CNTNAP2: variants seen among roughly 807,000 people sequenced by gnomAD.
The protein encoded by CNTNAP2 is contactin-associated protein-like 2.
In CNTNAP2, 98 loss-of-function variants were observed where a neutral mutation model predicts 155.2. The ratio of observed to expected loss-of-function variants is 0.63; its 90% confidence interval spans 0.54 to 0.75. The LOEUF (loss-of-function observed/expected upper bound fraction) is 0.75, where lower values mean the gene tolerates loss of function less well. Ranked by LOEUF, CNTNAP2 falls within the 30% of genes least tolerant of loss-of-function variation. The pLI, the probability that CNTNAP2 is intolerant of heterozygous loss-of-function variation, is 0.00. For missense variants in CNTNAP2, 1,727 were observed against 1,688.1 expected, an observed-to-expected ratio of 1.02 and a Z score of -0.40; for synonymous variants, 651 against 631.2, an observed-to-expected ratio of 1.03 and a Z score of -0.47.
At position 147,486,008 on chromosome 7, in the gene CNTNAP2, G is replaced by C; in HGVS notation, c.1744G>C (p.Glu582Gln). Reference protein sequence around the residue: ...TWDSFKCTCDETGYSGATCHN... With the variant: ...TWDSFKCTCDQTGYSGATCHN... Reference sequence around the variant, plus strand: ...GGACAGCTTCAAATGCACTTGTGATGAGACAGGATACAGTGGGGCCACCTG... The same window carrying C: ...GGACAGCTTCAAATGCACTTGTGATCAGACAGGATACAGTGGGGCCACCTG... Residue 582 changes from glutamate (E) to glutamine (Q), a missense_variant, in exon 11 of 24, where the codon GAG (glutamate) becomes CAG (glutamine). Physicochemically the swap from Glu to Gln is conservative, Grantham distance 29. Transcript: ENST00000361727. 1 of 1,614,126 alleles carries C rather than the reference G, an allele frequency of 6.2e-7. No individual in the cohort carries two copies. The highest frequency in any genetic ancestry group is 1.1e-5 in the South Asian group (1 of 91,086).
At chr7:148,203,092 T>C (rs562013166) in intron 18 of CNTNAP2, among the ~76,000 whole-genome samples, 1 of 152,340 alleles carries the variant, frequency 6.6e-6, no homozygotes, top group Non-Finnish European at 1.5e-5. Flanking sequence ...TTTTTAATTA[T>C]ATTTTATCTT....
At chr7:148,022,813 C>T (rs1285243652) in intron 15 of CNTNAP2, among the ~76,000 whole-genome samples, 2 of 152,080 alleles carry the variant, frequency 1.3e-5, no homozygotes, top group Admixed American at 1.3e-4. Context: ...ACACCGTCTG[C>T]CCGATCATCA....
intron 3 of CNTNAP2, among the ~76,000 whole-genome samples, chr7:146,902,698 C>A (rs1054867353): frequency 2.6e-5 from 4 of 152,180 alleles, no homozygotes; most frequent in African/African-American, 7.2e-5. Flanking sequence ...AACCTAGTCT[C>A]TTCTGGTTAA....
At chr7:147,024,045 T>C (rs1798859220) in intron 3 of CNTNAP2, among the ~76,000 whole-genome samples, 1 of 152,214 alleles carries the variant, frequency 6.6e-6, no homozygotes, top group Admixed American at 6.5e-5. Flanking sequence ...AGATATAGTC[T>C]TTTTTGTTTT....
rs527961760 is a variant in CNTNAP2, at chr7:147,276,709, T to C, written c.1349-23432T>C. On this transcript the variant is annotated intron_variant, in intron 8 of 23. Transcript: ENST00000361727. ...TGTTTGAGAGCTCATAAGGTCTTCT[T>C]GTATATTGGGAACAGATATGGCAAT... is the stretch of plus-strand genomic sequence containing the variant. 6.6e-5 allele frequency among the ~76,000 whole-genome samples: 10 copies of C among 152,166 alleles called. No homozygotes were observed. In the East Asian group the frequency reaches 1.5e-3, roughly 24 times the overall value.
intron 13 of CNTNAP2, among the ~76,000 whole-genome samples, chr7:147,735,714 G>A (rs1041868753): frequency 6.6e-6 from 1 of 152,058 alleles, no homozygotes; most frequent in African/African-American, 2.4e-5. Flanking sequence ...TCCTGTATTG[G>A]GTGCATATAT....
At chr7:147,214,739 C>T (rs908691010) in intron 8 of CNTNAP2, among the ~76,000 whole-genome samples, 2 of 152,064 alleles carry the variant, frequency 1.3e-5, no homozygotes, top group African/African-American at 2.4e-5. Flanking sequence ...TGTATATTTC[C>T]TGCCCCCACA....
intron 13 of CNTNAP2, among the ~76,000 whole-genome samples, chr7:147,741,867 A>G (rs1336036126): frequency 1.3e-5 from 2 of 152,184 alleles, no homozygotes; most frequent in Non-Finnish European, 2.9e-5. Context: ...TGATGGCTGT[A>G]TTAGTCCATT....
intron 1 of CNTNAP2, among the ~76,000 whole-genome samples, chr7:146,398,563 T>C (rs764253235): frequency 1.3e-5 from 2 of 152,170 alleles, no homozygotes; most frequent in African/African-American, 2.4e-5. Context: ...AACCGGAATC[T>C]TGTATTGCAA....
intron 12 of CNTNAP2, among the ~76,000 whole-genome samples, 199 bp downstream of exon 12, chr7:147,562,456 G>T (rs1287741509): frequency 6.6e-6 from 1 of 152,070 alleles, no homozygotes; most frequent in Non-Finnish European, 1.5e-5. Context: ...TTTTCAAAAA[G>T]TTCATGTTTG....
intron 2 of CNTNAP2, among the ~76,000 whole-genome samples, chr7:146,800,817 A>G (rs1802862588): frequency 6.6e-6 from 1 of 152,116 alleles, no homozygotes; most frequent in African/African-American, 2.4e-5. Context: ...ACTGAGGAAT[A>G]CAGAGAAGAG....
rs1454643721 is a variant in CNTNAP2, at chr7:148,179,576, G to A, written c.3010+7098G>A. Among the ~76,000 whole-genome samples, 6 of 148,100 alleles carry A rather than the reference G, an allele frequency of 4.1e-5. No homozygotes were observed. In the South Asian group the frequency reaches 6.5e-4, roughly 16 times the overall value. On this transcript the variant is annotated intron_variant, in intron 18 of 23. Coordinates refer to ENST00000361727, the MANE Select transcript of CNTNAP2 (RefSeq NM_014141.6). ...GAGAGGGAGAGAGAGGGAGAGAGGC[G>A]GGGTGCGGGGGAGAGAGAGGGAGGG...
At chr7:146,550,667 A>T (rs1047114658) in intron 1 of CNTNAP2, among the ~76,000 whole-genome samples, 1 of 151,922 alleles carries the variant, frequency 6.6e-6, no homozygotes, top group South Asian at 2.1e-4. Context: ...GTTGATTCTA[A>T]TTAAGTATTA....
chr7:148,217,619 T>C (rs973372258), intron 19 of CNTNAP2, 95 bp downstream of exon 19: 2 of 1,333,310 alleles, frequency 1.5e-6, no homozygotes, highest in South Asian at 2.4e-5. Context: ...TTGTTATTTA[T>C]TCCCCATAGG....
chr7:147,720,313 A>T (rs1796545483), intron 13 of CNTNAP2, among the ~76,000 whole-genome samples: 1 of 152,160 alleles, frequency 6.6e-6, no homozygotes, highest in African/African-American at 2.4e-5. Flanking sequence ...ATAATTCCTC[A>T]AAAGCAAATA....
intron 3 of CNTNAP2, among the ~76,000 whole-genome samples, chr7:147,006,437 T>C (rs1005523715): frequency 1.3e-5 from 2 of 152,074 alleles, no homozygotes; most frequent in Admixed American, 1.3e-4. Context: ...TGCCCTGTTT[T>C]TAGAGCTTTT....
intron 1 of CNTNAP2, among the ~76,000 whole-genome samples, chr7:146,670,471 C>CA (rs59573755): frequency 1.3e-5 from 2 of 151,696 alleles, no homozygotes; most frequent in East Asian, 1.9e-4. Context: ...CGAACTCTAG[C>CA]AAAAAAAAAG....
chr7:148,025,815 T>A (rs938488147), intron 15 of CNTNAP2, among the ~76,000 whole-genome samples: 6 of 152,162 alleles, frequency 3.9e-5, no homozygotes, highest in Non-Finnish European at 8.8e-5. Flanking sequence ...AATGAAAAAA[T>A]TATCCATAAT....
At chr7:146,534,582 C>T (rs801928) in intron 1 of CNTNAP2, among the ~76,000 whole-genome samples, 4,410 of 152,000 alleles carry the variant, frequency 0.029, 214 homozygotes, top group African/African-American at 0.1. Context: ...AGTAATCTAA[C>T]GGGGAAATAA....
Sources: allele counts gnomAD v4.1 joint callset (sites outside exome capture counted in the v4.1 genomes callset), GRCh38; gene constraint gnomAD v4.1.1; transcripts MANE v1.5; gene names NCBI Gene and HGNC (gene_info 2026-07-23, HGNC 2026-07-21).